Variants in RBMS3 observed in about 807,000 individuals in gnomAD.
RBMS3 encodes RNA-binding motif, single-stranded-interacting protein 3.
RBMS3 carries 27 observed loss-of-function variants against 66.8 expected under a neutral mutation model. The observed-to-expected ratio is 0.40, with a 90% CI of 0.30 to 0.56. The LOEUF (loss-of-function observed/expected upper bound fraction) is 0.56. RBMS3 is among the 20% of genes least tolerant of loss of function. The pLI is 0.40. For missense variants in RBMS3, 513 were observed against 549.5 expected, an observed-to-expected ratio of 0.93 and a Z score of 0.66; for synonymous variants, 188 against 183.0, an observed-to-expected ratio of 1.03 and a Z score of -0.22.
chr3:29,578,790 CTTT>C (rs1185861167), intron 3 of RBMS3, among the ~76,000 whole-genome samples: 9 of 101,084 alleles, frequency 8.9e-5, no homozygotes, highest in South Asian at 3.7e-4. Context: ...ATACATGCTT[CTTT>C]TTTTTTTTTT....
At chr3:29,631,166 C>A (rs1056099057) in intron 4 of RBMS3, among the ~76,000 whole-genome samples, 1 of 151,754 alleles carries the variant, frequency 6.6e-6, no homozygotes, top group African/African-American at 2.4e-5. Context: ...ACTGTAAAGA[C>A]AATAAATAAT....
intron 1 of RBMS3, among the ~76,000 whole-genome samples, chr3:29,307,280 G>T (rs1351031678): frequency 6.6e-6 from 1 of 151,922 alleles, no homozygotes; most frequent in Non-Finnish European, 1.5e-5. Context: ...AGGGTTGGAG[G>T]AAGATCCAAC....
intron 4 of RBMS3, among the ~76,000 whole-genome samples, chr3:29,588,639 T>C (rs1042134648): frequency 2.0e-5 from 3 of 152,082 alleles, no homozygotes; most frequent in Non-Finnish European, 4.4e-5. Flanking sequence ...CAGAATAAAT[T>C]TGAATTCTTT....
intron 14 of RBMS3, among the ~76,000 whole-genome samples, chr3:30,001,388 A>G (rs958377803): frequency 3.3e-5 from 5 of 151,546 alleles, no homozygotes; most frequent in Admixed American, 6.6e-5. Flanking sequence ...TTACGTTCCA[A>G]TATATTCACT....
chr3:29,552,311 AT>A (rs1328418534), intron 3 of RBMS3, among the ~76,000 whole-genome samples: 1 of 151,922 alleles, frequency 6.6e-6, no homozygotes, highest in Non-Finnish European at 1.5e-5. Flanking sequence ...GTCTCGGGAG[AT>A]TTGCTGTAAG....
At chr3:29,809,419 T>A (rs1352093468) in intron 6 of RBMS3, among the ~76,000 whole-genome samples, 1 of 151,876 alleles carries the variant, frequency 6.6e-6, no homozygotes, top group Non-Finnish European at 1.5e-5. Flanking sequence ...TGTGTGTGCA[T>A]GTTAAACCAG....
At chr3:29,821,975 C>T (rs906524981) in intron 6 of RBMS3, among the ~76,000 whole-genome samples, 9 of 152,148 alleles carry the variant, frequency 5.9e-5, no homozygotes, top group Non-Finnish European at 8.8e-5. Context: ...TCAACTAAGT[C>T]ACTAATTCCT....
chr3:29,582,153 GATAGATAGA>G (rs1240006086), intron 3 of RBMS3, among the ~76,000 whole-genome samples: 3 of 101,284 alleles, frequency 3.0e-5, no homozygotes, highest in Non-Finnish European at 6.5e-5. Flanking sequence ...TTCCATTATA[GATAGATAGA>G]TAGATAGATA....
chr3:29,771,611 G>A (rs916439267), intron 6 of RBMS3, among the ~76,000 whole-genome samples: 5 of 151,928 alleles, frequency 3.3e-5, no homozygotes, highest in African/African-American at 1.2e-4. Context: ...CTTAAAATAG[G>A]AAAATTATTG....
intron 6 of RBMS3, among the ~76,000 whole-genome samples, chr3:29,832,757 A>G (rs911046486): frequency 6.6e-6 from 1 of 152,162 alleles, no homozygotes; most frequent in Non-Finnish European, 1.5e-5. Flanking sequence ...AGACCCTACT[A>G]ACCACTCTAC....
chr3:29,771,192 G>C (rs2056183967), intron 6 of RBMS3, among the ~76,000 whole-genome samples: 1 of 151,946 alleles, frequency 6.6e-6, no homozygotes. Context: ...TCAATTATTT[G>C]AGTAATATTT....
At chr3:29,897,013 C>T (rs1489696123) in intron 8 of RBMS3, among the ~76,000 whole-genome samples, 1 of 151,556 alleles carries the variant, frequency 6.6e-6, no homozygotes. Context: ...GATGCAATTC[C>T]TGTATTTGTA....
intron 12 of RBMS3, among the ~76,000 whole-genome samples, chr3:29,987,704 A>G (rs1414375869): frequency 3.9e-5 from 6 of 152,206 alleles, no homozygotes; most frequent in African/African-American, 1.4e-4. Flanking sequence ...AATTCAAAAA[A>G]TAAATATTAC....
chr3:29,944,774 A>G lies in RBMS3; in HGVS notation c.1098+520A>G, dbSNP rs148662602. Among the ~76,000 whole-genome samples, 1,073 of 151,836 alleles carry G rather than the reference A, an allele frequency of 7.1e-3. 6 individuals carry two copies. The highest frequency in any genetic ancestry group is 9.2e-3 in the Non-Finnish European group (621 of 67,790). On this transcript the variant is annotated intron_variant, in intron 12 of 14. Coordinates refer to ENST00000383767, the MANE Select transcript of RBMS3 (RefSeq NM_001003793.3). ...GTTTGTTGAATGAATCTAAACTTCA[A>G]ATTTGTTCCCAAAACGATTCTTTTG... is the stretch of plus-strand genomic sequence containing the variant.
chr3:29,924,342 AG>A (rs2060873466), intron 10 of RBMS3, among the ~76,000 whole-genome samples: 1 of 152,208 alleles, frequency 6.6e-6, no homozygotes, highest in Non-Finnish European at 1.5e-5. Context: ...TAGCAGCAAA[AG>A]GGTGTAGGAA....
intron 1 of RBMS3, among the ~76,000 whole-genome samples, chr3:29,350,222 A>T (rs977696291): frequency 4.6e-5 from 7 of 151,656 alleles, no homozygotes; most frequent in African/African-American, 9.7e-5. Flanking sequence ...GGGATTTTTT[A>T]AAAAACTGTC....
intron 5 of RBMS3, among the ~76,000 whole-genome samples, chr3:29,741,963 G>T (rs569588330): frequency 6.6e-6 from 1 of 152,202 alleles, no homozygotes; most frequent in African/African-American, 2.4e-5. Flanking sequence ...CTTTAAAGGG[G>T]TAATTACAAA....
chr3:29,762,198 C>A lies in RBMS3; in HGVS notation c.558-712C>A, dbSNP rs554756970. The stretch of plus-strand genomic sequence containing the variant: ...ATAGTATGAAAAAATAGGATATTGT[C>A]CAAAATTCAATATTGAGAAAGCATA... On this transcript the variant is annotated intron_variant, in intron 5 of 14. Coordinates refer to ENST00000383767, the MANE Select transcript of RBMS3 (RefSeq NM_001003793.3). Among the ~76,000 whole-genome samples the A allele has an allele frequency of 6.6e-5, 10 of 152,174 alleles. No homozygotes were observed. In the South Asian group the frequency reaches 1.7e-3, roughly 25 times the overall value.
At chr3:29,401,824 A>C (rs368866345) in intron 1 of RBMS3, among the ~76,000 whole-genome samples, 1 of 152,092 alleles carries the variant, frequency 6.6e-6, no homozygotes. Flanking sequence ...TATCATTTTC[A>C]GTGTTCAGAC....
Sources: gnomAD v4.1 joint callset for allele counts (sites outside exome capture counted in the v4.1 genomes callset) on GRCh38, gnomAD v4.1.1 for gene constraint, MANE v1.5 for transcripts, NCBI Gene and HGNC (gene_info 2026-07-23, HGNC 2026-07-21) for gene names.